The following MEIS2 variants were observed in gnomAD, a reference collection of about 807,000 sequenced individuals.
MEIS2 encodes Meis homeobox 2.
Under a neutral mutation model 58.6 loss-of-function variants are expected in MEIS2, and 9 were observed. The ratio of observed to expected loss-of-function variants is 0.15; its 90% CI spans 0.09 to 0.27. The LOEUF (loss-of-function observed/expected upper bound fraction) is 0.27, where lower values mean the gene tolerates loss of function less well. Ranked by LOEUF, MEIS2 falls within the 10% of genes least tolerant of loss-of-function variation. The probability of loss-of-function intolerance (pLI) is 1.00; values close to 1 mark genes in which losing one functional copy is unlikely to be tolerated. For missense variants in MEIS2, 427 were observed against 635.0 expected (o/e 0.67, Z 3.52); for synonymous variants, 221 against 228.4 (o/e 0.97, Z 0.29).
intron 8 of MEIS2, among the ~76,000 whole-genome samples, chr15:36,996,014 TAC>T (rs1252150478): frequency 2.7e-4 from 33 of 123,698 alleles, no homozygotes; most frequent in East Asian, 1.9e-3. Flanking sequence ...TATATATATA[TAC>T]ATATGTGTAT....
chr15:36,981,096 T>G (rs2141507574), intron 8 of MEIS2, among the ~76,000 whole-genome samples: 1 of 152,280 alleles, frequency 6.6e-6, no homozygotes, highest in South Asian at 2.1e-4. Context: ...GCCCTTCATT[T>G]TTTTCAAGTT....
chr15:37,087,419 G>A (rs994119439), intron 6 of MEIS2, among the ~76,000 whole-genome samples: 5 of 152,108 alleles, frequency 3.3e-5, no homozygotes, highest in Non-Finnish European at 5.9e-5. Flanking sequence ...TCTATTTGCT[G>A]GGCTACAGAC....
At chr15:36,894,947 G>A (rs2056090898) in intron 11 of MEIS2, 4 of 932,176 alleles carry the variant, frequency 4.3e-6, no homozygotes, top group African/African-American at 1.6e-5. Context: ...ATGTGTATGG[G>A]GCAGAGTATA....
chr15:37,051,159 C>A (rs766220138), intron 7 of MEIS2, among the ~76,000 whole-genome samples: 10 of 152,176 alleles, frequency 6.6e-5, no homozygotes, highest in Non-Finnish European at 1.2e-4. Context: ...CAACATCTAG[C>A]CTCATGTAGT....
chr15:37,096,013 CG>C (rs1894180938), intron 3 of MEIS2: 3 of 437,092 alleles, frequency 6.9e-6, no homozygotes, highest in Admixed American at 3.8e-5. Flanking sequence ...TAGCTGGAGG[CG>C]GGGGAAAAAG....
chr15:37,014,388 C>A (rs2061270531), intron 8 of MEIS2, among the ~76,000 whole-genome samples: 1 of 152,092 alleles, frequency 6.6e-6, no homozygotes, highest in African/African-American at 2.4e-5. Flanking sequence ...GACATCATAA[C>A]ACCAAGATGA....
At chr15:36,991,521 A>C (rs577650194) in intron 8 of MEIS2, among the ~76,000 whole-genome samples, 2 of 152,144 alleles carry the variant, frequency 1.3e-5, no homozygotes, top group African/African-American at 4.8e-5. Context: ...CATAGGGTAC[A>C]CTAACTTAAT....
At chr15:37,031,815 T>TTGTGTGTGTGTGTG (rs66770353) in intron 8 of MEIS2, among the ~76,000 whole-genome samples, 6 of 134,208 alleles carry the variant, frequency 4.5e-5, no homozygotes, top group South Asian at 2.6e-4. Flanking sequence ...TTACATCACT[T>TTGTGTGTGTGTGTG]TGTGTGTGTG....
chr15:36,989,936 G>T, intron 8 of MEIS2, among the ~76,000 whole-genome samples: 1 of 151,778 alleles, frequency 6.6e-6, no homozygotes, highest in East Asian at 1.9e-4. Flanking sequence ...AAGCAGTTTT[G>T]TTTGTTTGTT....
intron 8 of MEIS2, among the ~76,000 whole-genome samples, chr15:36,971,824 A>AT (rs1285180872): frequency 1.3e-5 from 2 of 152,112 alleles, no homozygotes; most frequent in African/African-American, 4.8e-5. Flanking sequence ...ATAAAGGGAG[A>AT]TTTTCACATA....
chr15:36,914,812 G>A lies in MEIS2; in HGVS notation c.978-18126C>T, dbSNP rs149878332. ...CTCAACCGCAGCAACACACTCTTTC[G>A]CAGAAGGCTAGCCAATTAACCAAGC... On this transcript the variant is annotated intron_variant, in intron 9 of 11. Transcript: ENST00000561208. Among the ~76,000 whole-genome samples the A allele has an allele frequency of 9.9e-5, 15 of 151,620 alleles. No homozygotes were observed. The East Asian group carries it at 1.9e-3, about 20-fold the overall frequency.
At chr15:37,089,836 T>C (rs777113116) in intron 6 of MEIS2, among the ~76,000 whole-genome samples, 13 of 151,680 alleles carry the variant, frequency 8.6e-5, no homozygotes, top group African/African-American at 2.2e-4. Context: ...GTAATATCTT[T>C]ACATGTAAAT....
At chr15:37,015,276 G>A (rs1422727633) in intron 8 of MEIS2, among the ~76,000 whole-genome samples, 1 of 152,208 alleles carries the variant, frequency 6.6e-6, no homozygotes, top group African/African-American at 2.4e-5. Context: ...ACTCTCCTGT[G>A]ACGAATGAGT....
At chr15:36,997,809 A>G (rs916300088) in intron 8 of MEIS2, among the ~76,000 whole-genome samples, 10 of 152,118 alleles carry the variant, frequency 6.6e-5, no homozygotes, top group African/African-American at 2.4e-4. Context: ...ACAGGTGCCA[A>G]GGTACAAACG....
intron 9 of MEIS2, chr15:36,898,425 T>A (rs986896674): frequency 6.6e-6 from 1 of 152,262 alleles, no homozygotes; most frequent in South Asian, 2.1e-4. Context: ...AAGTTTCTAA[T>A]AGAGGACAAC....
At chr15:36,896,743 C>A (rs755019150) in intron 9 of MEIS2, 57 bp from the exon 10 acceptor site, 1 of 1,381,076 alleles carries the variant, frequency 7.2e-7, no homozygotes, top group Non-Finnish European at 1.0e-6. Context: ...TCTGCGAACA[C>A]CTTTGCATGA....
At chr15:36,952,893 A>G (rs1410451256) in intron 8 of MEIS2, among the ~76,000 whole-genome samples, 2 of 152,134 alleles carry the variant, frequency 1.3e-5, no homozygotes, top group African/African-American at 4.8e-5. Flanking sequence ...TACTTTCACT[A>G]TGAAGGCAGT....
chr15:36,998,236 G>GTTTTTTTTTTTTTT (rs5811954), intron 8 of MEIS2, among the ~76,000 whole-genome samples: 4 of 66,754 alleles, frequency 6.0e-5, no homozygotes, highest in Non-Finnish European at 8.1e-5. Flanking sequence ...AAAACACAAA[G>GTTTTTTTTTTTTTT]TTTTTTTTTT....
At chr15:37,034,007 C>T (rs572259480) in intron 8 of MEIS2, among the ~76,000 whole-genome samples, 48 of 151,688 alleles carry the variant, frequency 3.2e-4, no homozygotes, top group South Asian at 6.3e-4. Flanking sequence ...GGCAGAGGAG[C>T]GGCACAGAGA....
Sources: allele counts gnomAD v4.1 joint callset (sites outside exome capture counted in the v4.1 genomes callset), GRCh38; gene constraint gnomAD v4.1.1; transcripts MANE v1.5; gene names NCBI Gene and HGNC (gene_info 2026-07-23, HGNC 2026-07-21).